The following ZMPSTE24 variants were observed in gnomAD, a reference collection of about 807,000 sequenced individuals.
The protein encoded by ZMPSTE24 is zinc metallopeptidase STE24.
Under a neutral mutation model 56.7 loss-of-function variants are expected in ZMPSTE24, and 48 were observed. The ratio of observed to expected loss-of-function variants is 0.85; its 90% CI spans 0.67 to 1.08. The LOEUF (loss-of-function observed/expected upper bound fraction) is 1.08. Among genes scored for constraint, ZMPSTE24 ranks in the 50% least tolerant of loss-of-function variants. ZMPSTE24 has a pLI of 0.00. For missense variants in ZMPSTE24, 503 were observed against 548.7 expected (o/e 0.92, Z 0.83); for synonymous variants, 172 against 195.2 (o/e 0.88, Z 0.99).
At position 40,268,461 on chromosome 1, in the gene ZMPSTE24, A is replaced by G; in HGVS notation, c.400A>G (p.Ser134Gly). The change falls in exon 4 of 10, where the codon AGT becomes GGT. Residue 134 changes from serine to glycine, a missense_variant. By Grantham distance (56) the Ser-to-Gly change is moderately conservative (BLOSUM62 0). Transcript: ENST00000372759. Reference sequence around the variant, plus strand: ...GTTTCTGCTGTTGGCTACACTTTTCAGTGCATTGACTGGTTTGCCATGGAG... The same window carrying G: ...GTTTCTGCTGTTGGCTACACTTTTCGGTGCATTGACTGGTTTGCCATGGAG... The part of the protein sequence containing the change: ...LVFLLLATLF[S>G]ALTGLPWSLY... 1 of 1,613,118 alleles carries G rather than the reference A, an allele frequency of 6.2e-7. No homozygotes were observed. Among genetic ancestry groups the G allele is most frequent in the Non-Finnish European group, 8.5e-7 (1 of 1,179,976 alleles).
intron 5 of ZMPSTE24, among the ~76,000 whole-genome samples, chr1:40,270,998 G>T (rs1270436079): frequency 2.6e-5 from 4 of 152,162 alleles, no homozygotes; most frequent in African/African-American, 4.8e-5. Flanking sequence ...AACCCAAAGT[G>T]GTCTGTTCAG....
At chr1:40,268,275 G>T (rs760387775) in intron 3 of ZMPSTE24, 144 bp from the exon 4 acceptor site, 2 of 689,450 alleles carry the variant, frequency 2.9e-6, no homozygotes, top group Non-Finnish European at 5.2e-6. Flanking sequence ...TTTTTTGAAG[G>T]CAGGGATGAT....
Position 40,265,527 on chromosome 1 carries a change from C to A in ZMPSTE24, c.271-2259C>A, listed in dbSNP as rs1208051659. On this transcript the variant is annotated intron_variant, in intron 2 of 9. Coordinates refer to ENST00000372759, the MANE Select transcript of ZMPSTE24 (RefSeq NM_005857.5). ...GGCCAGCCTGGGCAACATAGTGAGACCCCATCTGTACAAAAAATTAAAATT... is the reference window on the plus strand; with the variant it reads ...GGCCAGCCTGGGCAACATAGTGAGAACCCATCTGTACAAAAAATTAAAATT... 2.6e-5 allele frequency among the ~76,000 whole-genome samples: 4 copies of A among 152,052 alleles called. No homozygotes were observed. The East Asian group carries it at 5.8e-4, about 22-fold the overall frequency.
intron 8 of ZMPSTE24, among the ~76,000 whole-genome samples, chr1:40,288,184 A>G (rs1043884144): frequency 1.1e-4 from 16 of 152,116 alleles, no homozygotes; most frequent in African/African-American, 3.6e-4. Flanking sequence ...AAAAAAAATT[A>G]AAATAAAAAG....
In ZMPSTE24 at chr1:40,258,289, G is replaced by C; in HGVS notation, c.18G>C (p.Ser6=). MGMWA[S]LDALWEMPAE... is the part of the protein sequence containing the mutation. Reference sequence around the variant, plus strand: ...GGGTGGCCATGGGGATGTGGGCATCGCTGGACGCTTTGTGGGAGATGCCGG... The same window carrying C: ...GGGTGGCCATGGGGATGTGGGCATCCCTGGACGCTTTGTGGGAGATGCCGG... The change falls in exon 1 of 10, where the codon TCG becomes TCC. Residue 6 remains serine, a synonymous_variant. Transcript: ENST00000372759. 1 of 1,614,046 alleles carries C rather than the reference G, an allele frequency of 6.2e-7. No individual in the cohort carries two copies. Among genetic ancestry groups the C allele is most frequent in the Non-Finnish European group, 8.5e-7 (1 of 1,180,028 alleles).
intron 5 of ZMPSTE24, among the ~76,000 whole-genome samples, chr1:40,271,205 C>T (rs1338335852): frequency 1.3e-5 from 2 of 152,182 alleles, no homozygotes; most frequent in African/African-American, 4.8e-5. Flanking sequence ...GCTGGGACTA[C>T]AGGTGTGTGA....
chr1:40,281,573 A>G (rs771073576), intron 7 of ZMPSTE24, 46 bp downstream of exon 7: 13 of 1,575,660 alleles, frequency 8.3e-6, no homozygotes, highest in Admixed American at 3.6e-5. Context: ...TTTTATACAC[A>G]GTTCCTGTGA....
At chr1:40,288,370 A>G (rs1237974321) in intron 8 of ZMPSTE24, among the ~76,000 whole-genome samples, 1 of 152,210 alleles carries the variant, frequency 6.6e-6, no homozygotes, top group African/African-American at 2.4e-5. Context: ...TTTTCAGTCT[A>G]ATAAGGAAAA....
chr1:40,280,237 C>G (rs1232051866), intron 6 of ZMPSTE24, among the ~76,000 whole-genome samples: 2 of 152,044 alleles, frequency 1.3e-5, no homozygotes, highest in Non-Finnish European at 2.9e-5. Flanking sequence ...TTGTCAACTT[C>G]CGATGGCCTG....
chr1:40,273,537 A>AAAAAAAAAAAT lies in ZMPSTE24; in HGVS notation c.769+1503_769+1504insAAAAAAAAATA, dbSNP rs1224234676. On this transcript the variant is annotated intron_variant, in intron 6 of 9. Coordinates refer to ENST00000372759, the MANE Select transcript of ZMPSTE24 (RefSeq NM_005857.5). ...TGTCTAAAAAAAAAAAAAAAAAAAA[A>AAAAAAAAAAAT]ATATATATATATATATATATATATA... 2.7e-3 allele frequency among the ~76,000 whole-genome samples: 34 copies of AAAAAAAAAAAT among 12,390 alleles called. 1 individual carries two copies. Among genetic ancestry groups the AAAAAAAAAAAT allele is most frequent in the Non-Finnish European group, 4.4e-3 (22 of 5,046 alleles). 8.1% of individuals were successfully genotyped at this position (12,390 alleles called of 152,430 possible).
At position 40,290,802 on chromosome 1, in the gene ZMPSTE24, A is replaced by C; in HGVS notation, c.1060-52A>C. The C allele has an allele frequency of 2.5e-6, 4 of 1,599,214 alleles. No homozygotes were observed. In the Admixed American group the frequency reaches 5.0e-5, roughly 20 times the overall value. On this transcript the variant is annotated intron_variant, in intron 8 of 9. Coordinates refer to ENST00000372759, the MANE Select transcript of ZMPSTE24 (RefSeq NM_005857.5). ...ATACTTTATGGATGCTACTGATCCC[A>C]TAGTGAAATCAGCTTGGTAATAACT... is the stretch of plus-strand genomic sequence containing the variant.
intron 7 of ZMPSTE24, 41 bp from the exon 8 acceptor site, chr1:40,285,884 A>C: frequency 6.5e-7 from 1 of 1,532,858 alleles, no homozygotes; most frequent in Non-Finnish European, 8.9e-7. Context: ...AAAACTTTTT[A>C]AAGGTTCTCA....
chr1:40,262,971 G>A (rs944396308), intron 2 of ZMPSTE24: 5 of 1,008,926 alleles, frequency 5.0e-6, no homozygotes, highest in Non-Finnish European at 5.9e-6. Context: ...TAATGACAAG[G>A]CAATTAGATG....
chr1:40,281,636 T>A, intron 7 of ZMPSTE24, 109 bp downstream of exon 7: 1 of 1,178,992 alleles, frequency 8.5e-7, no homozygotes, highest in Non-Finnish European at 1.2e-6. Flanking sequence ...TCAGGGAGAC[T>A]ATCAGATGAA....
Position 40,291,933 on chromosome 1 carries a change from C to T in ZMPSTE24, c.1204-512C>T, listed in dbSNP as rs368253659. On this transcript the variant is annotated intron_variant, in intron 9 of 9. Transcript: ENST00000372759. ...TTGGCTCACTGCAACCTCCGCCTCC[C>T]GGGTTCAAGCAATTCTCCTGCCTCA... 1.1e-4 allele frequency among the ~76,000 whole-genome samples: 16 copies of T among 151,618 alleles called. No homozygotes were observed. The East Asian group carries it at 1.9e-3, about 18-fold the overall frequency.
chr1:40,283,555 T>C (rs911939401), intron 7 of ZMPSTE24, among the ~76,000 whole-genome samples: 8 of 152,198 alleles, frequency 5.3e-5, no homozygotes, highest in African/African-American at 1.9e-4. Context: ...TGTTTTTGTT[T>C]TTGTTTGCTT....
At chr1:40,285,645 T>A (rs1448533650) in intron 7 of ZMPSTE24, among the ~76,000 whole-genome samples, 2 of 152,208 alleles carry the variant, frequency 1.3e-5, no homozygotes, top group African/African-American at 4.8e-5. Context: ...AGATTTCTAT[T>A]TCTTCCAGTT....
In ZMPSTE24 at chr1:40,268,408, CT is replaced by C; in HGVS notation, c.358-7del. On this transcript the variant is annotated splice_polypyrimidine_tract_variant and intron_variant, in intron 3 of 9. Coordinates refer to ENST00000372759, the MANE Select transcript of ZMPSTE24 (RefSeq NM_005857.5). ...CATAAAAACTGGATTTTTGTTTTTTCTTTTGTTTAGATCACTCAGTCCCTGG... is the reference window on the plus strand; with the variant it reads ...CATAAAAACTGGATTTTTGTTTTTTCTTTGTTTAGATCACTCAGTCCCTGG... 3 of 1,601,034 alleles carry C rather than the reference CT, an allele frequency of 1.9e-6. No homozygotes were observed. The highest frequency in any genetic ancestry group is 1.7e-6 in the Non-Finnish European group (2 of 1,171,832).
rs371999787 is a variant in ZMPSTE24 at position 40,293,599 on chromosome 1, G to GA, written c.*937dup. 3.9e-5 allele frequency: 6 copies of GA among 152,228 alleles called. No homozygotes were observed. The highest frequency in any genetic ancestry group is 9.6e-5 in the African/African-American group (4 of 41,550). 9.4% of individuals were successfully genotyped at this position (152,228 alleles called of 1,614,324 possible). A position where few individuals can be genotyped will look rare whatever the true frequency, so the allele number is the denominator to read the frequency against. On this transcript the variant is annotated 3_prime_UTR_variant, in exon 10 of 10. Coordinates refer to ENST00000372759, the MANE Select transcript of ZMPSTE24 (RefSeq NM_005857.5). ...TGATGAATCTCTGTGACATTACAGG[G>GA]AAAAAAATATAGTTTTCTATCTCTT...
Sources: allele counts gnomAD v4.1 joint callset (sites outside exome capture counted in the v4.1 genomes callset), GRCh38; gene constraint gnomAD v4.1.1; transcripts MANE v1.5; gene names NCBI Gene and HGNC (gene_info 2026-07-23, HGNC 2026-07-21).